The following WDR41 variants were observed in gnomAD, a reference collection of about 807,000 sequenced individuals.
WDR41 encodes WD repeat domain 41, also known as WD repeat-containing protein 41.
A neutral mutation model predicts 69.3 loss-of-function variants in WDR41; 63 were observed. The ratio of observed to expected loss-of-function variants is 0.91; its 90% CI spans 0.74 to 1.12. The LOEUF is 1.12. Ranked by LOEUF, WDR41 falls within the 50% of genes most tolerant of loss-of-function variation. The pLI, the probability that WDR41 is intolerant of heterozygous loss-of-function variation, is 0.00. For missense variants in WDR41, 543 were observed against 534.5 expected, an observed-to-expected ratio of 1.02 and a Z score of -0.16; for synonymous variants, 185 against 192.1, an observed-to-expected ratio of 0.96 and a Z score of 0.31.
At chr5:77,475,928 A>T (rs1344870606) in intron 2 of WDR41, among the ~76,000 whole-genome samples, 3 of 152,126 alleles carry the variant, frequency 2.0e-5, no homozygotes, top group Non-Finnish European at 2.9e-5. Context: ...TTTGAAAAAA[A>T]ATTTAGAAGA....
chr5:77,461,278 C>T (rs1230643217), intron 4 of WDR41, among the ~76,000 whole-genome samples: 1 of 152,176 alleles, frequency 6.6e-6, no homozygotes, highest in Non-Finnish European at 1.5e-5. Flanking sequence ...ATCATAATCA[C>T]ACACAAACAT....
intron 1 of WDR41, among the ~76,000 whole-genome samples, chr5:77,618,386 T>C (rs2112353045): frequency 6.6e-6 from 1 of 152,196 alleles, no homozygotes; most frequent in Non-Finnish European, 1.5e-5. Context: ...TTTTTTTCTG[T>C]TTTTGAGATG....
intron 2 of WDR41, among the ~76,000 whole-genome samples, chr5:77,485,896 A>G (rs907241428): frequency 3.3e-5 from 5 of 152,184 alleles, no homozygotes; most frequent in Non-Finnish European, 7.4e-5. Flanking sequence ...TTTCAATAAG[A>G]TGATATTATC....
intron 5 of WDR41, among the ~76,000 whole-genome samples, chr5:77,455,879 G>A (rs76479919): frequency 6.6e-6 from 1 of 151,824 alleles, no homozygotes; most frequent in African/African-American, 2.4e-5. Flanking sequence ...ATTGGGAAGT[G>A]TGTCTTGGAA....
chr5:77,518,717 G>C (rs1802329163), intron 1 of WDR41, among the ~76,000 whole-genome samples: 1 of 151,914 alleles, frequency 6.6e-6, no homozygotes. Context: ...AATATGTTTG[G>C]ATTAAAATAA....
chr5:77,583,714 A>G (rs1288468206), intron 1 of WDR41, among the ~76,000 whole-genome samples: 1 of 152,154 alleles, frequency 6.6e-6, no homozygotes, highest in African/African-American at 2.4e-5. Context: ...CCCAATTCCA[A>G]AAAATAGCAA....
At chr5:77,607,239 A>C (rs35553270) in intron 1 of WDR41, among the ~76,000 whole-genome samples, 17,837 of 152,220 alleles carry the variant, frequency 0.12, 1,161 homozygotes, top group East Asian at 0.25. Flanking sequence ...ACTTGAACCC[A>C]CTGATCAATT....
chr5:77,444,940 A>G (rs1209588599), intron 8 of WDR41, among the ~76,000 whole-genome samples: 1 of 152,234 alleles, frequency 6.6e-6, no homozygotes, highest in African/African-American at 2.4e-5. Flanking sequence ...CTAAGATCAG[A>G]GAAGAATTGA....
intron 2 of WDR41, among the ~76,000 whole-genome samples, chr5:77,470,989 C>T (rs1800576704): frequency 1.3e-5 from 2 of 152,232 alleles, no homozygotes; most frequent in Admixed American, 1.3e-4. Context: ...CTCAGCATCA[C>T]ACCACACTTA....
intron 1 of WDR41, among the ~76,000 whole-genome samples, chr5:77,525,050 T>C (rs1407851537): frequency 6.6e-6 from 1 of 152,162 alleles, no homozygotes; most frequent in African/African-American, 2.4e-5. Context: ...AGCCCTAGTT[T>C]TAAAACTACA....
chr5:77,546,008 C>A, intron 1 of WDR41: 1 of 497,212 alleles, frequency 2.0e-6, no homozygotes, highest in Non-Finnish European at 3.5e-6. Context: ...CATCTCGGCC[C>A]CTGTGCCCAA....
chr5:77,588,277 T>C (rs1403857105), intron 1 of WDR41, among the ~76,000 whole-genome samples: 2 of 152,244 alleles, frequency 1.3e-5, no homozygotes, highest in Non-Finnish European at 2.9e-5. Context: ...ATATTCTTGG[T>C]TTCCATGAAG....
In WDR41 at chr5:77,464,740, C is replaced by A. The variant is rs763031841; in HGVS notation, c.216+21G>T. 3.2e-5 allele frequency: 52 copies of A among 1,611,700 alleles called. No homozygotes were observed. In the South Asian group the frequency reaches 5.5e-4, roughly 17 times the overall value. ...CATCATCATATCTTTATCACACAAT[C>A]CACACATAATCAATACACACCTGGG... On this transcript the variant is annotated intron_variant, in intron 3 of 12. Transcript: ENST00000296679.
In WDR41 at chr5:77,485,157, T is replaced by G. The variant is rs1439082579; in HGVS notation, c.167+4300A>C. Among the ~76,000 whole-genome samples, 4 of 152,256 alleles carry G rather than the reference T, an allele frequency of 2.6e-5. No individual in the cohort carries two copies. The East Asian group carries it at 7.7e-4, about 29-fold the overall frequency. On this transcript the variant is annotated intron_variant, in intron 2 of 12. Transcript: ENST00000296679. ...TTCCTCCCTTCTCCTTTCATTGGCT[T>G]TCTCTCTTATAAACCTATTGCATGC...
intron 2 of WDR41, among the ~76,000 whole-genome samples, chr5:77,476,901 C>T (rs1800962739): frequency 7.1e-6 from 1 of 141,810 alleles, no homozygotes; most frequent in Admixed American, 7.1e-5. Context: ...GAGTCAAGAC[C>T]CATCAGTGTG....
intron 1 of WDR41, chr5:77,491,307 A>G (rs1381507110): frequency 4.7e-5 from 11 of 232,212 alleles, no homozygotes; most frequent in Middle Eastern, 1.4e-3. Flanking sequence ...TCCTTTACCT[A>G]CCCAAATCCT....
intron 1 of WDR41, among the ~76,000 whole-genome samples, chr5:77,507,698 G>A (rs4273585): frequency 0.49 from 74,464 of 151,962 alleles, 18,542 homozygotes; most frequent in African/African-American, 0.59. Flanking sequence ...ATATAGTGAT[G>A]GAATTCCATT....
chr5:77,510,278 G>A (rs1350063016), intron 1 of WDR41, among the ~76,000 whole-genome samples: 1 of 152,096 alleles, frequency 6.6e-6, no homozygotes, highest in African/African-American at 2.4e-5. Flanking sequence ...CAGATCTCGT[G>A]AGACCCATTC....
chr5:77,490,612 C>T (rs1451257521), intron 1 of WDR41, among the ~76,000 whole-genome samples: 2 of 151,636 alleles, frequency 1.3e-5, no homozygotes, highest in East Asian at 3.9e-4. Flanking sequence ...ACCACCACCA[C>T]AAAGCATTGA....
Sources: allele counts gnomAD v4.1 joint callset (sites outside exome capture counted in the v4.1 genomes callset), GRCh38; gene constraint gnomAD v4.1.1; transcripts MANE v1.5; gene names NCBI Gene and HGNC (gene_info 2026-07-23, HGNC 2026-07-21).